YWHAZ: variants seen among roughly 807,000 people sequenced by gnomAD.
YWHAZ encodes the protein 14-3-3 protein zeta/delta.
For missense variants in YWHAZ, 79 were observed against 284.8 expected (o/e 0.28, Z 5.20); for synonymous variants, 87 against 103.6 (o/e 0.84, Z 0.97).
chr8:100,920,807 G>GA (rs1232845799), intron 5 of YWHAZ, 55 bp from the exon 6 acceptor site: 5 of 493,958 alleles, frequency 1.0e-5, no homozygotes, highest in Middle Eastern at 7.0e-4. Context: ...GGGGGGGGGG[G>GA]GCGTTTTCAT....
At chr8:100,945,526 A>G (rs990725159) in intron 2 of YWHAZ, among the ~76,000 whole-genome samples, 1 of 152,120 alleles carries the variant, frequency 6.6e-6, no homozygotes, top group Non-Finnish European at 1.5e-5. Flanking sequence ...ATATATATCA[A>G]AGCCCAGAAA....
intron 2 of YWHAZ, among the ~76,000 whole-genome samples, chr8:100,926,934 C>T (rs1813404260): frequency 6.6e-6 from 1 of 152,138 alleles, no homozygotes; most frequent in Admixed American, 6.6e-5. Context: ...ATTCATTCAA[C>T]TATGGGAGAT....
At chr8:100,940,531 C>T (rs79853988) in intron 2 of YWHAZ, among the ~76,000 whole-genome samples, 6,191 of 152,124 alleles carry the variant, frequency 0.041, 148 homozygotes, top group Non-Finnish European at 0.058. Context: ...TGTAATAGCC[C>T]AGGGCTTATA....
At chr8:100,932,984 G>A (rs544475094) in intron 2 of YWHAZ, among the ~76,000 whole-genome samples, 47 of 152,316 alleles carry the variant, frequency 3.1e-4, no homozygotes, top group African/African-American at 9.9e-4. Flanking sequence ...GAACCAGTAA[G>A]TTTGAGCAAC....
At chr8:100,942,115 C>T (rs905162032) in intron 2 of YWHAZ, among the ~76,000 whole-genome samples, 1 of 152,180 alleles carries the variant, frequency 6.6e-6, no homozygotes, top group African/African-American at 2.4e-5. Flanking sequence ...TCCACAAGAG[C>T]TTACATGCTG....
At chr8:100,932,833 A>G (rs1312400239) in intron 2 of YWHAZ, among the ~76,000 whole-genome samples, 1 of 152,202 alleles carries the variant, frequency 6.6e-6, no homozygotes, top group African/African-American at 2.4e-5. Flanking sequence ...TTTAAGGGCT[A>G]TTAATAAAAT....
chr8:100,934,870 G>A (rs1175423374), intron 2 of YWHAZ: 1 of 152,130 alleles, frequency 6.6e-6, no homozygotes, highest in African/African-American at 2.4e-5. Context: ...CAAGAAGGCA[G>A]GATGAGGTTA....
chr8:100,934,463 G>A (rs1232010382), intron 2 of YWHAZ, among the ~76,000 whole-genome samples: 1 of 151,982 alleles, frequency 6.6e-6, no homozygotes, highest in Non-Finnish European at 1.5e-5. Flanking sequence ...CACTTTAGGA[G>A]GCCAAGGTGG....
chr8:100,951,715 C>A (rs953301798), intron 1 of YWHAZ: 2 of 985,404 alleles, frequency 2.0e-6, no homozygotes, highest in South Asian at 4.7e-5. Context: ...GGCGTCGATG[C>A]GGAAGCAAGG....
Position 100,916,873 on chromosome 8 carries a change from A to G in YWHAZ, c.*3820T>C, listed in dbSNP as rs1380868519. 6.7e-6 allele frequency: 1 copy of G among 149,570 alleles called. No homozygotes were observed. The highest frequency in any genetic ancestry group is 1.5e-5 in the Non-Finnish European group (1 of 66,996). The allele number at this position is 149,570 out of a possible 1,614,324, so 9.3% of individuals were successfully genotyped here. On this transcript the variant is annotated 3_prime_UTR_variant, in exon 6 of 6. Coordinates refer to ENST00000395958, the MANE Select transcript of YWHAZ (RefSeq NM_145690.3). ...AGACTGTGACTACTACCAGTCACAT[A>G]AAAGTATTTAATTAGTTTCACACTT... is the stretch of plus-strand genomic sequence containing the variant.
intron 2 of YWHAZ, among the ~76,000 whole-genome samples, chr8:100,925,472 A>AC (rs1387735972): frequency 6.6e-6 from 1 of 152,218 alleles, no homozygotes; most frequent in African/African-American, 2.4e-5. Flanking sequence ...TAAAGCAGAA[A>AC]CCAATAATGT....
At chr8:100,940,050 G>A (rs151277668) in intron 2 of YWHAZ, among the ~76,000 whole-genome samples, 2,313 of 129,062 alleles carry the variant, frequency 0.018, 76 homozygotes, top group African/African-American at 0.062. Context: ...GGGACAGAGC[G>A]AGACTCCGTC....
intron 2 of YWHAZ, among the ~76,000 whole-genome samples, chr8:100,947,683 G>A (rs1332565800): frequency 6.6e-6 from 1 of 152,100 alleles, no homozygotes; most frequent in African/African-American, 2.4e-5. Flanking sequence ...CATAAACAAG[G>A]TTCATATAGT....
intron 2 of YWHAZ, among the ~76,000 whole-genome samples, chr8:100,939,903 G>C (rs143720150): frequency 0.046 from 6,941 of 151,718 alleles, 170 homozygotes; most frequent in Non-Finnish European, 0.057. Flanking sequence ...GCCACCTGTA[G>C]TCCCAGCTAC....
chr8:100,931,893 AAC>A (rs1468930143), intron 2 of YWHAZ: 1 of 152,260 alleles, frequency 6.6e-6, no homozygotes, highest in Non-Finnish European at 1.5e-5. Flanking sequence ...TTCATTCAAA[AAC>A]ACAGGATTAA....
rs55947914 is a variant in YWHAZ, at chr8:100,926,198, ATT to A, written c.295-1161_295-1160del. Among the ~76,000 whole-genome samples, 555 of 142,030 alleles carry A rather than the reference ATT, an allele frequency of 3.9e-3. 1 individual carries two copies. The highest frequency in any genetic ancestry group is 4.8e-3 in the African/African-American group (183 of 38,250). The allele number at this position is 142,030 out of a possible 152,430, so 93.2% of individuals were successfully genotyped here. On this transcript the variant is annotated intron_variant, in intron 2 of 5. Transcript: ENST00000395958. ...AGTTTTAACCCAACTTCTTCCCCCA[ATT>A]TTTTTTTTTTTTTTTTTTACAACTC...
Position 100,918,314 on chromosome 8 carries a change from G to A in YWHAZ, c.*2379C>T, listed in dbSNP as rs1812786571. On this transcript the variant is annotated 3_prime_UTR_variant, in exon 6 of 6. Transcript: ENST00000395958. ...GCCGAGATCGCACCACTGCACTCAA[G>A]CCTGGGTGACAGAGCAAGACTCTTG... is the stretch of plus-strand genomic sequence containing the variant. 7.3e-6 allele frequency: 1 copy of A among 136,068 alleles called. No individual in the cohort carries two copies. Among genetic ancestry groups the A allele is most frequent in the African/African-American group, 2.7e-5 (1 of 36,390 alleles). 8.4% of individuals were successfully genotyped at this position (136,068 alleles called of 1,614,324 possible).
chr8:100,918,882 GAGGAA>G lies in YWHAZ; in HGVS notation c.*1806_*1810del, dbSNP rs1224545431. On this transcript the variant is annotated 3_prime_UTR_variant, in exon 6 of 6. Transcript: ENST00000395958. ...TGTTTGGTGTTTTCTGCAAAGTACT[GAGGAA>G]ATATTTTGTAAAGTGAGCTTTGGGT... The G allele has an allele frequency of 1.7e-4, 26 of 152,642 alleles. No individual in the cohort carries two copies. The South Asian group carries it at 5.2e-3, about 30-fold the overall frequency. The allele number at this position is 152,642 out of a possible 1,614,324, so 9.5% of individuals were successfully genotyped here. A position where few individuals can be genotyped will look rare whatever the true frequency, so the allele number is the denominator to read the frequency against.
intron 2 of YWHAZ, among the ~76,000 whole-genome samples, chr8:100,939,256 G>A (rs1814435333): frequency 6.6e-6 from 1 of 151,940 alleles, no homozygotes; most frequent in African/African-American, 2.4e-5. Context: ...TGGGTGAAAG[G>A]GCTAGCAGGA....
Sources: gnomAD v4.1 joint callset for allele counts (sites outside exome capture counted in the v4.1 genomes callset) on GRCh38, gnomAD v4.1.1 for gene constraint, MANE v1.5 for transcripts, NCBI Gene and HGNC (gene_info 2026-07-23, HGNC 2026-07-21) for gene names.